Variants in PLEKHG1 observed in about 807,000 individuals in gnomAD.
PLEKHG1 encodes the protein pleckstrin homology domain-containing family G member 1.
A neutral mutation model predicts 100.8 loss-of-function variants in PLEKHG1; 44 were observed. The ratio of observed to expected loss-of-function variants is 0.44; its 90% CI spans 0.34 to 0.56. The LOEUF (loss-of-function observed/expected upper bound fraction) is 0.56. PLEKHG1 is among the 20% of genes least tolerant of loss of function. The pLI is 0.01. For synonymous variants in PLEKHG1, 640 were observed against 662.5 expected (o/e 0.97, Z 0.52); for missense variants, 1,545 against 1,720.9 (o/e 0.90, Z 1.81).
At chr6:150,734,008 C>T (rs904711080) in exon 2 of PLEKHG1, 1 of 1,614,196 alleles carries the variant, frequency 6.2e-7, no homozygotes, top group Non-Finnish European at 8.5e-7. Flanking sequence ...CCACGAGCCC[C>T]AAGCTCCTCT....
chr6:150,768,759 T>C lies in PLEKHG1; in HGVS notation c.512+21T>C, dbSNP rs1006260220. On this transcript the variant is annotated intron_variant, in intron 3 of 15. Transcript: ENST00000358517. ...AATAGGTAAGTTAATATTCAAAAGA[T>C]TGTTCTCACATACGAGCATTATGAA... The C allele has an allele frequency of 3.0e-6, 4 of 1,324,820 alleles. No individual in the cohort carries two copies. The African/African-American group carries it at 5.8e-5, about 19-fold the overall frequency. 82.1% of individuals were successfully genotyped at this position (1,324,820 alleles called of 1,614,324 possible).
At position 150,645,508 on chromosome 6, in the gene PLEKHG1, C is replaced by T. The variant is rs900273662; in HGVS notation, c.-157-5220C>T. 3.9e-5 allele frequency among the ~76,000 whole-genome samples: 6 copies of T among 152,014 alleles called. No individual in the cohort carries two copies. The East Asian group carries it at 5.8e-4, about 15-fold the overall frequency. On this transcript the variant is annotated intron_variant, in intron 2 of 3. Coordinates refer to the PLEKHG1 transcript ENST00000367326. ...AAGATAAATCATAATCCATAACAGA[C>T]CTATGGATTTATATATTGAAGAATA...
At chr6:150,841,863 G>C (rs1777544848) in exon 16 of PLEKHG1, 1 of 152,192 alleles carries the variant, frequency 6.6e-6, no homozygotes, top group Non-Finnish European at 1.5e-5. Context: ...GCACCCTCCT[G>C]AGTTTGGGAT....
At chr6:150,840,608 G>A (rs192843561) in exon 16 of PLEKHG1, 126 of 1,614,196 alleles carry the variant, frequency 7.8e-5, no homozygotes, top group African/African-American at 1.6e-4. Flanking sequence ...AAGATGAGTC[G>A]GAGTTGGAGC....
chr6:150,735,148 A>G lies in PLEKHG1; in HGVS notation c.411+1056A>G, dbSNP rs7761378. Among the ~76,000 whole-genome samples, 1,020 of 152,068 alleles carry G rather than the reference A, an allele frequency of 6.7e-3. 15 individuals carry two copies. The highest frequency in any genetic ancestry group is 0.023 in the African/African-American group (954 of 41,486). On this transcript the variant is annotated intron_variant, in intron 2 of 15. Transcript: ENST00000358517. ...ATTATAGGCATGCTCCACCACACCCAGCTAATTTTGTATTTTTAGTAAAGA... is the reference window on the plus strand; with the variant it reads ...ATTATAGGCATGCTCCACCACACCCGGCTAATTTTGTATTTTTAGTAAAGA...
At chr6:150,807,802 C>T (rs547999602) in intron 7 of PLEKHG1, among the ~76,000 whole-genome samples, 1 of 152,200 alleles carries the variant, frequency 6.6e-6, no homozygotes, top group South Asian at 2.1e-4. Flanking sequence ...AACCCCATCT[C>T]TTCTAAAAAT....
intron 1 of PLEKHG1, among the ~76,000 whole-genome samples, chr6:150,604,790 G>C (rs1776519310): frequency 1.3e-5 from 2 of 152,210 alleles, no homozygotes; most frequent in African/African-American, 2.4e-5. Context: ...CTTTGAGTTA[G>C]ATGCTGAATG....
intron 2 of PLEKHG1, among the ~76,000 whole-genome samples, chr6:150,737,617 A>G (rs1488456683): frequency 6.6e-6 from 1 of 152,164 alleles, no homozygotes; most frequent in Non-Finnish European, 1.5e-5. Flanking sequence ...AACATAGAAT[A>G]TCAACTCCTT....
intron 2 of PLEKHG1, among the ~76,000 whole-genome samples, chr6:150,747,396 A>G (rs1404743344): frequency 6.6e-6 from 1 of 152,244 alleles, no homozygotes; most frequent in African/African-American, 2.4e-5. Flanking sequence ...AGAACAGGAA[A>G]GACAGCTTGG....
At chr6:150,758,492 C>T (rs576151648) in intron 2 of PLEKHG1, among the ~76,000 whole-genome samples, 198 of 152,264 alleles carry the variant, frequency 1.3e-3, no homozygotes, top group South Asian at 2.7e-3. Context: ...CACACCACCA[C>T]GCCTGGCTAA....
At chr6:150,607,717 A>G (rs1451448602) in intron 1 of PLEKHG1, among the ~76,000 whole-genome samples, 2 of 152,186 alleles carry the variant, frequency 1.3e-5, no homozygotes, top group African/African-American at 2.4e-5. Context: ...GTTTCCTTAC[A>G]TTATGCCTTT....
chr6:150,600,313 T>C lies in PLEKHG1; in HGVS notation c.-204+296T>C, dbSNP rs1299617455. On this transcript the variant is annotated intron_variant, in intron 1 of 3. Transcript: ENST00000367326. This position sits in a 1 kb window ranked among gnomAD's most constrained non-coding sequence, Gnocchi z 6.2. ...GGGATGCTGCCCGCCGCCGCCCCGC[T>C]TGGGGTTCCGCGCCCCCAAGTTCCC... Among the ~76,000 whole-genome samples, 1 of 150,882 alleles carries C rather than the reference T, an allele frequency of 6.6e-6. No individual in the cohort carries two copies. Among genetic ancestry groups the C allele is most frequent in the Non-Finnish European group, 1.5e-5 (1 of 67,666 alleles).
At chr6:150,760,611 AT>A (rs1167379770) in intron 2 of PLEKHG1, among the ~76,000 whole-genome samples, 1 of 150,526 alleles carries the variant, frequency 6.6e-6, no homozygotes, top group Non-Finnish European at 1.5e-5. Flanking sequence ...TCAACAGCAC[AT>A]AGATTATTTC....
upstream of PLEKHG1, among the ~76,000 whole-genome samples, chr6:150,718,703 C>G (rs1003644818): frequency 6.6e-6 from 1 of 152,108 alleles, no homozygotes; most frequent in African/African-American, 2.4e-5. Flanking sequence ...CTTCTGACCT[C>G]GTGATCCACC....
intron 3 of PLEKHG1, among the ~76,000 whole-genome samples, chr6:150,701,466 T>TATATAA (rs1212311635): frequency 2.1e-4 from 18 of 84,200 alleles, no homozygotes; most frequent in African/African-American, 8.2e-4. Context: ...TATATATATA[T>TATATAA]AATTATACTT....
At chr6:150,804,624 C>T (rs961858135) in exon 7 of PLEKHG1, 4 of 1,586,496 alleles carry the variant, frequency 2.5e-6, no homozygotes, top group Non-Finnish European at 3.4e-6. Context: ...TAGAAAACCA[C>T]CTTGATAAGG....
rs377145335 is a variant in PLEKHG1, at chr6:150,602,441, C to T, written c.-204+2424C>T. On this transcript the variant is annotated intron_variant, in intron 1 of 3. Transcript: ENST00000367326. The stretch of plus-strand genomic sequence containing the variant: ...TAGCCTACTTGTGTGATGCTCACAT[C>T]TACGTCTCTGTAGCTTTGAGACCTT... Among the ~76,000 whole-genome samples the T allele has an allele frequency of 1.3e-3, 192 of 152,336 alleles. 2 individuals carry two copies. The South Asian group carries it at 0.032, about 25-fold the overall frequency.
intron 3 of PLEKHG1, among the ~76,000 whole-genome samples, chr6:150,711,612 T>C (rs991663717): frequency 6.6e-6 from 1 of 152,122 alleles, no homozygotes; most frequent in African/African-American, 2.4e-5. Flanking sequence ...AGCCCCAGAG[T>C]ATCTTTGCAA....
intron 1 of PLEKHG1, among the ~76,000 whole-genome samples, chr6:150,725,329 A>C (rs780560984): frequency 1.3e-5 from 2 of 152,222 alleles, no homozygotes; most frequent in Non-Finnish European, 2.9e-5. Flanking sequence ...GTAAGTTTCA[A>C]CATATGAATT....
Sources: allele counts gnomAD v4.1 joint callset (sites outside exome capture counted in the v4.1 genomes callset), GRCh38; gene constraint gnomAD v4.1.1; non-coding constraint Gnocchi (gnomAD v3.1); transcripts MANE v1.5; gene names NCBI Gene and HGNC (gene_info 2026-07-23, HGNC 2026-07-21).